The following MMP26 variants were observed in gnomAD, a reference collection of about 807,000 sequenced individuals.
The protein encoded by MMP26 is matrix metalloproteinase-26.
Under a neutral mutation model 31.0 loss-of-function variants are expected in MMP26, and 33 were observed. The ratio of observed to expected loss-of-function variants is 1.06; its 90% confidence interval spans 0.81 to 1.42. The LOEUF (loss-of-function observed/expected upper bound fraction) is 1.42. Among genes scored for constraint, MMP26 ranks in the 40% most tolerant of loss-of-function variants. MMP26 has a pLI of 0.00. For synonymous variants in MMP26, 122 were observed against 114.9 expected (o/e 1.06, Z -0.40); for missense variants, 347 against 316.1 (o/e 1.10, Z -0.74).
At chr11:4,886,914 A>G in intron 2 of MMP26, among the ~76,000 whole-genome samples, 1 of 151,794 alleles carries the variant, frequency 6.6e-6, no homozygotes. Flanking sequence ...TTGTTTGCTT[A>G]TATTTCAGTA....
chr11:4,788,272 A>G (rs1307353324), intron 2 of MMP26, among the ~76,000 whole-genome samples: 1 of 151,928 alleles, frequency 6.6e-6, no homozygotes, highest in African/African-American at 2.4e-5. Context: ...CTTAGGAGAC[A>G]TGTTACAAGC....
chr11:4,734,468 A>C (rs76663289), intron 1 of MMP26, among the ~76,000 whole-genome samples: 3,133 of 152,070 alleles, frequency 0.021, 108 homozygotes, highest in African/African-American at 0.073. Context: ...CAATGTCTTA[A>C]AATGGAAGTT....
At chr11:4,939,174 G>T (rs1029066010) in intron 2 of MMP26, among the ~76,000 whole-genome samples, 10 of 152,004 alleles carry the variant, frequency 6.6e-5, no homozygotes, top group African/African-American at 2.4e-4. Flanking sequence ...TATTATATAA[G>T]GGGAGAGAAT....
chr11:4,901,492 G>C (rs983787191), intron 2 of MMP26, among the ~76,000 whole-genome samples: 6 of 151,896 alleles, frequency 4.0e-5, no homozygotes, highest in Admixed American at 6.6e-5. Context: ...GTGCTTGATG[G>C]TCTTACTTGT....
At chr11:4,914,667 T>C in intron 2 of MMP26, 1 of 1,226,076 alleles carries the variant, frequency 8.2e-7, no homozygotes, top group Non-Finnish European at 1.2e-6. Context: ...TTATAAAGGA[T>C]AGGCAAACAA....
intron 1 of MMP26, among the ~76,000 whole-genome samples, chr11:4,743,500 A>G (rs1848340717): frequency 6.6e-6 from 1 of 152,200 alleles, no homozygotes; most frequent in Non-Finnish European, 1.5e-5. Flanking sequence ...ACCTAAGTTA[A>G]CTGACATGTC....
intron 2 of MMP26, chr11:4,822,039 G>A (rs371349949): frequency 1.9e-6 from 3 of 1,613,692 alleles, no homozygotes; most frequent in East Asian, 2.2e-5. Flanking sequence ...TTGCGCTTTT[G>A]TCCACTACAG....
intron 2 of MMP26, among the ~76,000 whole-genome samples, chr11:4,856,514 A>G (rs1850055696): frequency 6.6e-6 from 1 of 152,226 alleles, no homozygotes; most frequent in Non-Finnish European, 1.5e-5. Context: ...TTCAACAAGA[A>G]GAGCTAACTG....
intron 2 of MMP26, chr11:4,860,695 GT>G: frequency 3.1e-6 from 1 of 320,208 alleles, no homozygotes; most frequent in Non-Finnish European, 6.1e-6. Flanking sequence ...AAAGAATAAA[GT>G]TAAAAAACAT....
At chr11:4,968,775 C>T (rs1846628807) in intron 2 of MMP26, among the ~76,000 whole-genome samples, 1 of 151,954 alleles carries the variant, frequency 6.6e-6, no homozygotes, top group African/African-American at 2.4e-5. Context: ...AATAAATCCA[C>T]TTACATATTT....
intron 2 of MMP26, chr11:4,794,871 T>C (rs1849084294): frequency 1.3e-5 from 2 of 152,226 alleles, no homozygotes; most frequent in South Asian, 2.1e-4. Flanking sequence ...TTCTGCATCA[T>C]CACAACTGTT....
chr11:4,786,538 GAGA>G (rs2133438490), intron 2 of MMP26, among the ~76,000 whole-genome samples: 1 of 130,500 alleles, frequency 7.7e-6, no homozygotes, highest in South Asian at 2.6e-4. Context: ...AAACTGTTGT[GAGA>G]TAGGATGAGG....
intron 2 of MMP26, among the ~76,000 whole-genome samples, chr11:4,974,802 C>G (rs1846714296): frequency 6.6e-6 from 1 of 152,068 alleles, no homozygotes; most frequent in Non-Finnish European, 1.5e-5. Context: ...ATGTCCTTTG[C>G]AGGGACATGG....
chr11:4,832,236 T>C, intron 2 of MMP26: 1 of 191,630 alleles, frequency 5.2e-6, no homozygotes, highest in Non-Finnish European at 1.1e-5. Flanking sequence ...CCCATCTGCC[T>C]TATGTACCTC....
chr11:4,819,020 A>G (rs1470390449), intron 2 of MMP26, among the ~76,000 whole-genome samples: 3 of 152,174 alleles, frequency 2.0e-5, no homozygotes, highest in Admixed American at 1.3e-4. Flanking sequence ...ATAAGAGAAT[A>G]CAGGATAACT....
At chr11:4,776,161 G>T (rs555990228) in intron 2 of MMP26, among the ~76,000 whole-genome samples, 2 of 152,184 alleles carry the variant, frequency 1.3e-5, no homozygotes, top group Admixed American at 6.5e-5. Flanking sequence ...ATTCCATTGT[G>T]CACATATGCC....
chr11:4,986,936 T>TCTCTCTCTCTCC (rs1846904354), intron 2 of MMP26, among the ~76,000 whole-genome samples: 36 of 113,158 alleles, frequency 3.2e-4, no homozygotes, highest in African/African-American at 1.5e-3. Flanking sequence ...TCTCTCCCTC[T>TCTCTCTCTCTCC]CTCTCTCTCT....
chr11:4,860,600 A>G, intron 2 of MMP26: 1 of 414,850 alleles, frequency 2.4e-6, no homozygotes, highest in Non-Finnish European at 4.9e-6. Flanking sequence ...GGACTCCTCC[A>G]CTTGGCTCAC....
At chr11:4,809,875 G>A (rs1192316258) in intron 2 of MMP26, among the ~76,000 whole-genome samples, 1 of 152,176 alleles carries the variant, frequency 6.6e-6, no homozygotes, top group Non-Finnish European at 1.5e-5. Context: ...ATGGGCAGAG[G>A]TGCCTGAAGT....
Sources: allele counts gnomAD v4.1 joint callset (sites outside exome capture counted in the v4.1 genomes callset), GRCh38; gene constraint gnomAD v4.1.1; transcripts MANE v1.5; gene names NCBI Gene and HGNC (gene_info 2026-07-23, HGNC 2026-07-21).